Variants in DSCAM observed in about 807,000 individuals in gnomAD.
DSCAM encodes DS cell adhesion molecule.
In DSCAM, 47 loss-of-function variants were observed where a neutral mutation model predicts 217.7. The ratio of observed to expected loss-of-function variants is 0.22; its 90% CI spans 0.17 to 0.28. DSCAM has a LOEUF of 0.28. DSCAM is among the 10% of genes least tolerant of loss of function. The pLI is 1.00. For synonymous variants in DSCAM, 1,056 were observed against 1,015.3 expected (o/e 1.04, Z -0.76); for missense variants, 2,080 against 2,618.3 (o/e 0.79, Z 4.49).
chr21:40,839,022 T>C (rs1247388225), intron 1 of DSCAM, among the ~76,000 whole-genome samples: 3 of 152,176 alleles, frequency 2.0e-5, no homozygotes, highest in Non-Finnish European at 4.4e-5. Context: ...CTAAATTGTA[T>C]ATACTTAAGG....
At chr21:40,360,939 A>G (rs2074756512) in intron 4 of DSCAM, among the ~76,000 whole-genome samples, 1 of 152,188 alleles carries the variant, frequency 6.6e-6, no homozygotes, top group Non-Finnish European at 1.5e-5. Context: ...CCAGTAGTGT[A>G]TAAGTGTTCC....
intron 11 of DSCAM, among the ~76,000 whole-genome samples, chr21:40,253,199 CACAAGTCTCT>C (rs1417441954): frequency 6.6e-6 from 1 of 152,070 alleles, no homozygotes; most frequent in Non-Finnish European, 1.5e-5. Flanking sequence ...AATTCTGTAG[CACAAGTCTCT>C]GCAAGGCATT....
chr21:40,657,548 C>T (rs1357903306), intron 3 of DSCAM, among the ~76,000 whole-genome samples: 3 of 152,076 alleles, frequency 2.0e-5, no homozygotes, highest in African/African-American at 4.8e-5. Flanking sequence ...GAACAGGATA[C>T]CAGAGGGCTG....
chr21:40,730,154 C>T (rs1201318830), intron 1 of DSCAM, among the ~76,000 whole-genome samples: 2 of 152,100 alleles, frequency 1.3e-5, no homozygotes, highest in Admixed American at 1.3e-4. Flanking sequence ...TAATGGGCTC[C>T]GAAGAGCCTC....
At chr21:40,385,964 G>A (rs763731699) in intron 3 of DSCAM, among the ~76,000 whole-genome samples, 11 of 152,186 alleles carry the variant, frequency 7.2e-5, no homozygotes, top group South Asian at 2.1e-4. Flanking sequence ...TTCAAGCACA[G>A]TCACTTTCTG....
chr21:40,788,395 T>A (rs888888311), intron 1 of DSCAM, among the ~76,000 whole-genome samples: 1 of 152,222 alleles, frequency 6.6e-6, no homozygotes, highest in Non-Finnish European at 1.5e-5. Flanking sequence ...AACTTTTTTT[T>A]AATGAGAAAA....
chr21:40,337,822 T>C (rs942261453), intron 8 of DSCAM, among the ~76,000 whole-genome samples: 7 of 152,232 alleles, frequency 4.6e-5, no homozygotes, highest in Non-Finnish European at 8.8e-5. Context: ...ATGAAGCTAA[T>C]GATGTGCTCC....
chr21:40,205,846 G>A (rs193088309), intron 11 of DSCAM, among the ~76,000 whole-genome samples: 1 of 152,250 alleles, frequency 6.6e-6, no homozygotes, highest in East Asian at 1.9e-4. Flanking sequence ...AGTAAATAAT[G>A]TTTAAAAGCA....
chr21:40,577,409 G>A (rs2076860930), intron 3 of DSCAM, among the ~76,000 whole-genome samples: 2 of 151,980 alleles, frequency 1.3e-5, no homozygotes, highest in Non-Finnish European at 2.9e-5. Context: ...CTCTCCTCCG[G>A]AAGACGGTCA....
In DSCAM at chr21:40,338,218, T is replaced by G. The variant is rs771746502; in HGVS notation, c.1666A>C (p.Asn556His). Residue 556 changes from asparagine to histidine, a missense_variant, in exon 8 of 33, where the codon AAT (asparagine) becomes CAT (histidine). Asn to His is a moderately conservative substitution (Grantham distance 68). This residue lies in a region of DSCAM where 218 missense variants were observed against 364.1 expected (regional missense o/e 0.60). Transcript: ENST00000400454. ...ACATCTGAAAGTTTAAGAGTTCCATTGTTCTCAAATGCCACTTGGCGGTGG... is the reference window on the plus strand; with the variant it reads ...ACATCTGAAAGTTTAAGAGTTCCATGGTTCTCAAATGCCACTTGGCGGTGG... ...FNHRQVAFEN[N>H]GTLKLSDVQK... 6.2e-7 allele frequency: 1 copy of G among 1,614,266 alleles called. No individual in the cohort carries two copies. The highest frequency in any genetic ancestry group is 8.5e-7 in the Non-Finnish European group (1 of 1,180,044).
chr21:40,343,704 T>G (rs919297417), intron 6 of DSCAM, among the ~76,000 whole-genome samples: 4 of 152,086 alleles, frequency 2.6e-5, no homozygotes, highest in Non-Finnish European at 5.9e-5. Context: ...TTAAATTATC[T>G]CTGCTAAAAG....
In DSCAM at chr21:40,291,414, C is replaced by A. The variant is rs372960503; in HGVS notation, c.2182+4641G>T. On this transcript the variant is annotated intron_variant, in intron 10 of 32. Coordinates refer to ENST00000400454, the MANE Select transcript of DSCAM (RefSeq NM_001389.5). Reference sequence around the variant, plus strand: ...GCTGAAGAGACCGCATCACCATCACCACTCTCATTGCTCACCATACCCACT... The same window carrying A: ...GCTGAAGAGACCGCATCACCATCACAACTCTCATTGCTCACCATACCCACT... 5.8e-4 allele frequency among the ~76,000 whole-genome samples: 88 copies of A among 152,326 alleles called. No homozygotes were observed. In the South Asian group the frequency reaches 8.7e-3, roughly 15 times the overall value.
Position 40,324,764 on chromosome 21 carries a change from G to T in DSCAM, c.1784-12405C>A, listed in dbSNP as rs572525569. Among the ~76,000 whole-genome samples, 145 of 152,142 alleles carry T rather than the reference G, an allele frequency of 9.5e-4. 1 individual carries two copies. Among genetic ancestry groups the T allele is most frequent in the South Asian group, 4.1e-3 (20 of 4,824 alleles). ...TGTAATAAAACTGAGTTACTTTTCT[G>T]CATTTTTAATATGAAAAGAAAAGCC... On this transcript the variant is annotated intron_variant, in intron 8 of 32. Transcript: ENST00000400454.
intron 3 of DSCAM, among the ~76,000 whole-genome samples, chr21:40,398,637 CTTTT>C (rs538905441): frequency 1.5e-5 from 2 of 132,092 alleles, no homozygotes; most frequent in Non-Finnish European, 3.2e-5. Context: ...TTTTTTCTTT[CTTTT>C]TTTTTTTTTT....
intron 1 of DSCAM, among the ~76,000 whole-genome samples, chr21:40,748,185 T>G (rs564643473): frequency 2.0e-5 from 3 of 151,992 alleles, no homozygotes; most frequent in Non-Finnish European, 4.4e-5. Context: ...TCACCACTTT[T>G]GTTCAACATA....
intron 1 of DSCAM, among the ~76,000 whole-genome samples, chr21:40,802,088 T>C (rs1437332709): frequency 6.6e-6 from 1 of 151,774 alleles, no homozygotes; most frequent in Non-Finnish European, 1.5e-5. Flanking sequence ...CTTCAGCACA[T>C]AGAAGTAGCT....
chr21:40,830,873 T>C (rs532031440), intron 1 of DSCAM, among the ~76,000 whole-genome samples: 2 of 152,366 alleles, frequency 1.3e-5, no homozygotes, highest in Admixed American at 1.3e-4. Context: ...AAATTCAGGC[T>C]GCTTAGGCCA....
intron 21 of DSCAM, among the ~76,000 whole-genome samples, chr21:40,090,840 G>A (rs1428720112): frequency 3.3e-5 from 5 of 152,134 alleles, no homozygotes; most frequent in South Asian, 2.1e-4. Context: ...ATGGCTCTTC[G>A]TCACCTTGGA....
intron 3 of DSCAM, among the ~76,000 whole-genome samples, chr21:40,620,003 G>T: frequency 9.6e-6 from 1 of 103,922 alleles, no homozygotes; most frequent in Admixed American, 9.2e-5. Context: ...GAGAGAAAGA[G>T]AGAGAAAAAA....
Sources: allele counts gnomAD v4.1 joint callset (sites outside exome capture counted in the v4.1 genomes callset), GRCh38; gene constraint gnomAD v4.1.1; regional missense constraint gnomAD v4.1.1; transcripts MANE v1.5; gene names NCBI Gene and HGNC (gene_info 2026-07-23, HGNC 2026-07-21).